The following DLC1 variants were observed in gnomAD, a reference collection of about 807,000 sequenced individuals.
DLC1 encodes the protein rho GTPase-activating protein 7.
Under a neutral mutation model 140.3 loss-of-function variants are expected in DLC1, and 54 were observed. The ratio of observed to expected loss-of-function variants is 0.38; its 90% CI spans 0.31 to 0.48. DLC1 has a LOEUF of 0.48. DLC1 is among the 20% of genes least tolerant of loss of function. DLC1 has a pLI of 0.96. For synonymous variants in DLC1, 986 were observed against 728.1 expected (o/e 1.35, Z -5.70); for missense variants, 2,536 against 1,907.0 (o/e 1.33, Z -6.14).
chr8:13,226,985 T>A (rs879279108), intron 5 of DLC1, among the ~76,000 whole-genome samples: 19 of 152,016 alleles, frequency 1.2e-4, no homozygotes, highest in Non-Finnish European at 1.8e-4. Flanking sequence ...TTAAAAAACT[T>A]CTGCAAAAAA....
intron 4 of DLC1, among the ~76,000 whole-genome samples, chr8:13,376,230 G>C (rs1835978076): frequency 6.6e-6 from 1 of 152,098 alleles, no homozygotes; most frequent in African/African-American, 2.4e-5. Context: ...ACATTGTCCA[G>C]TAAACACCAT....
intron 4 of DLC1, among the ~76,000 whole-genome samples, chr8:13,345,348 C>G (rs1834279202): frequency 6.6e-6 from 1 of 151,108 alleles, no homozygotes; most frequent in Admixed American, 6.6e-5. Context: ...ATAGTGAAAA[C>G]AGAGAGTCAC....
chr8:13,554,745 C>CT (rs1803982473), intron 1 of DLC1, among the ~76,000 whole-genome samples: 1 of 152,210 alleles, frequency 6.6e-6, no homozygotes, highest in African/African-American at 2.4e-5. Context: ...ACTTTTGCTT[C>CT]TGCCTTTATG....
intron 5 of DLC1, among the ~76,000 whole-genome samples, chr8:13,177,721 T>C (rs13438932): frequency 0.7 from 105,825 of 152,086 alleles, 37,567 homozygotes; most frequent in East Asian, 0.86. Context: ...GATAGTATTC[T>C]AATCATGAGT....
At chr8:13,526,607 T>C (rs1263755519) in intron 1 of DLC1, among the ~76,000 whole-genome samples, 2 of 152,130 alleles carry the variant, frequency 1.3e-5, no homozygotes, top group East Asian at 3.9e-4. Context: ...AAAGGATGAG[T>C]TCATGTCCTT....
chr8:13,500,337 A>G, intron 1 of DLC1, 141 bp from the exon 2 acceptor site: 1 of 334,786 alleles, frequency 3.0e-6, no homozygotes, highest in East Asian at 5.0e-5. Context: ...TAATAATGTC[A>G]TTTCTTTAAG....
chr8:13,510,592 G>A (rs1802315128), intron 1 of DLC1, among the ~76,000 whole-genome samples: 1 of 152,170 alleles, frequency 6.6e-6, no homozygotes, highest in South Asian at 2.1e-4. Context: ...ACTCAAAGTA[G>A]TTACGGGGCA....
chr8:13,146,672 T>C (rs1325371427), intron 5 of DLC1, among the ~76,000 whole-genome samples: 1 of 152,126 alleles, frequency 6.6e-6, no homozygotes, highest in East Asian at 1.9e-4. Context: ...TCTGTGTTTT[T>C]AAAAAGTTGA....
At chr8:13,162,147 T>C (rs1264246039) in intron 5 of DLC1, among the ~76,000 whole-genome samples, 1 of 152,208 alleles carries the variant, frequency 6.6e-6, no homozygotes. Context: ...GTATAGCCAC[T>C]GCTCTTGGAA....
At chr8:13,329,361 T>C (rs552507067) in intron 4 of DLC1, among the ~76,000 whole-genome samples, 1 of 151,714 alleles carries the variant, frequency 6.6e-6, no homozygotes, top group Admixed American at 6.6e-5. Context: ...AGAAGGGGGG[T>C]CAAGGTTGGA....
intron 4 of DLC1, among the ~76,000 whole-genome samples, chr8:13,310,357 T>C (rs1443788618): frequency 6.6e-6 from 1 of 152,218 alleles, no homozygotes; most frequent in East Asian, 1.9e-4. Context: ...GACAGAGTAA[T>C]TTACTCCTTT....
At chr8:13,384,073 T>A (rs1176418143) in intron 4 of DLC1, among the ~76,000 whole-genome samples, 1 of 152,208 alleles carries the variant, frequency 6.6e-6, no homozygotes, top group Admixed American at 6.5e-5. Context: ...TCAGGCAAGG[T>A]CTTTCATGAG....
chr8:13,259,744 A>G (rs1212577097), intron 5 of DLC1, among the ~76,000 whole-genome samples: 1 of 151,992 alleles, frequency 6.6e-6, no homozygotes, highest in Non-Finnish European at 1.5e-5. Flanking sequence ...AAAAAACAAC[A>G]CTGGTAGCTA....
At chr8:13,206,706 A>G (rs930383274) in intron 5 of DLC1, among the ~76,000 whole-genome samples, 2 of 152,112 alleles carry the variant, frequency 1.3e-5, no homozygotes, top group Non-Finnish European at 2.9e-5. Flanking sequence ...TGATATTCTA[A>G]TGTTTTCATT....
chr8:13,420,419 T>A (rs1213482308), intron 2 of DLC1, among the ~76,000 whole-genome samples: 1 of 152,158 alleles, frequency 6.6e-6, no homozygotes, highest in Non-Finnish European at 1.5e-5. Flanking sequence ...AAACTTAAGT[T>A]CTGGGATACA....
intron 4 of DLC1, among the ~76,000 whole-genome samples, chr8:13,347,271 A>G (rs1473217801): frequency 1.3e-5 from 2 of 152,216 alleles, no homozygotes; most frequent in African/African-American, 4.8e-5. Context: ...TCTAGTCCAT[A>G]TCTCTATCTT....
At chr8:13,219,146 T>C (rs1430261691) in intron 5 of DLC1, among the ~76,000 whole-genome samples, 36 of 117,398 alleles carry the variant, frequency 3.1e-4, no homozygotes, top group Non-Finnish European at 5.0e-4. Context: ...GTGAATATAA[T>C]TATATAATTA....
chr8:13,547,788 C>G (rs886160416), intron 1 of DLC1, among the ~76,000 whole-genome samples: 2 of 152,034 alleles, frequency 1.3e-5, no homozygotes, highest in African/African-American at 2.4e-5. Flanking sequence ...AATCTCTTCT[C>G]CCAACTCCTT....
intron 1 of DLC1, among the ~76,000 whole-genome samples, chr8:13,523,328 A>G (rs1214018402): frequency 6.6e-6 from 1 of 152,142 alleles, no homozygotes; most frequent in African/African-American, 2.4e-5. Context: ...GAAGAGTCAA[A>G]AATGCTTTAT....
Sources: gnomAD v4.1 joint callset for allele counts (sites outside exome capture counted in the v4.1 genomes callset) on GRCh38, gnomAD v4.1.1 for gene constraint, MANE v1.5 for transcripts, NCBI Gene and HGNC (gene_info 2026-07-23, HGNC 2026-07-21) for gene names.